DMD: variants seen among roughly 807,000 people sequenced by gnomAD.
DMD encodes mutant dystrophin.
DMD carries 63 observed loss-of-function variants against 330.1 expected under a neutral mutation model. The ratio of observed to expected loss-of-function variants is 0.19; its 90% CI spans 0.16 to 0.24. The LOEUF (loss-of-function observed/expected upper bound fraction) is 0.24. Ranked by LOEUF, DMD falls within the 10% of genes least tolerant of loss-of-function variation. The pLI is 1.00. For missense variants in DMD, 3,344 were observed against 2,684.1 expected (o/e 1.25, Z -5.43); for synonymous variants, 1,223 against 959.8 (o/e 1.27, Z -5.07).
intron 52 of DMD, among the ~76,000 whole-genome samples, chrX:31,723,724 C>T (rs2085776716): frequency 9.2e-6 from 1 of 108,423 alleles, no homozygotes; most frequent in Admixed American, 9.9e-5. Flanking sequence ...ATTATGTATT[C>T]TCCTGTCATC....
Position 32,310,225 on chromosome X carries a change from C to T in DMD, c.5974G>A (p.Glu1992Lys). 1.7e-6 allele frequency: 2 copies of T among 1,209,315 alleles called. No homozygotes were observed. The highest frequency in any genetic ancestry group is 1.8e-5 in the South Asian group (1 of 56,929). ...MMVMTEDMPL[E>K]ISYVPSTYLT... Reference sequence around the variant, plus strand: ...TAAGTAGAAGGCACATAAGAAATTTCCAAAGGCATGTCTTCAGTCATCACC... The same window carrying T: ...TAAGTAGAAGGCACATAAGAAATTTTCAAAGGCATGTCTTCAGTCATCACC... The change falls in exon 42 of 79, where the codon GAA becomes AAA. Residue 1992 changes from glutamate to lysine, a missense_variant. Physicochemically the swap from Glu to Lys is moderately conservative, Grantham distance 56 (BLOSUM62 1). Coordinates refer to ENST00000357033, the MANE Select transcript of DMD (RefSeq NM_004006.3).
At chrX:32,797,809 T>G (rs776208169) in intron 7 of DMD, among the ~76,000 whole-genome samples, 1 of 105,502 alleles carries the variant, frequency 9.5e-6, no homozygotes, top group South Asian at 4.0e-4. Context: ...CACCTGTAAT[T>G]AAAAAAAAAA....
rs1336940962 is a variant in DMD, at chrX:33,140,446, G to A, written c.31+70836C>T. Reference sequence around the variant, plus strand: ...CTATTTTAAATGGAATATTTTCAACGCTAACTTAAGCATATCTCAGTATTT... The same window carrying A: ...CTATTTTAAATGGAATATTTTCAACACTAACTTAAGCATATCTCAGTATTT... On this transcript the variant is annotated intron_variant, in intron 1 of 78. Coordinates refer to ENST00000357033, the MANE Select transcript of DMD (RefSeq NM_004006.3). Among the ~76,000 whole-genome samples, 4 of 111,817 alleles carry A rather than the reference G, an allele frequency of 3.6e-5. No homozygotes were observed. The East Asian group carries it at 8.5e-4, about 24-fold the overall frequency.
At chrX:32,219,719 G>T (rs2147886224) in intron 43 of DMD, among the ~76,000 whole-genome samples, 1 of 110,900 alleles carries the variant, frequency 9.0e-6, no homozygotes, top group African/African-American at 3.3e-5. Context: ...CCAATCACTT[G>T]AACTATACTT....
chrX:31,773,760 A>G (rs1255685136), intron 51 of DMD, among the ~76,000 whole-genome samples, 200 bp downstream of exon 51: 1 of 13,449 alleles, frequency 7.4e-5, no homozygotes, highest in Non-Finnish European at 1.6e-4. Flanking sequence ...TTTCCTTTTT[A>G]ATGTATGGCT....
intron 1 of DMD, among the ~76,000 whole-genome samples, chrX:33,187,918 T>C (rs1201510827): frequency 9.0e-6 from 1 of 111,656 alleles, no homozygotes; most frequent in Non-Finnish European, 1.9e-5. Context: ...TTACTCTTTA[T>C]GATGCTGTGG....
At chrX:32,538,805 A>C (rs1297776027) in intron 17 of DMD, among the ~76,000 whole-genome samples, 4 of 111,320 alleles carry the variant, frequency 3.6e-5, no homozygotes, top group African/African-American at 6.5e-5. Context: ...GAAGCATGAG[A>C]ACCACTGTTG....
intron 44 of DMD, among the ~76,000 whole-genome samples, chrX:32,153,895 A>G (rs1159440709): frequency 8.9e-6 from 1 of 112,351 alleles, no homozygotes; most frequent in Non-Finnish European, 1.9e-5. Context: ...ATGAAAATGC[A>G]TTGAAAAATA....
chrX:32,205,005 T>TCTCTCTCTCTCTCTCACACA (rs60181300), intron 44 of DMD, among the ~76,000 whole-genome samples: 5 of 29,232 alleles, frequency 1.7e-4, no homozygotes, highest in Non-Finnish European at 2.9e-4. Flanking sequence ...TCTCTCTCTC[T>TCTCTCTCTCTCTCTCACACA]CACATACACA....
chrX:33,137,306 A>AC (rs1162851962), intron 1 of DMD, among the ~76,000 whole-genome samples: 1 of 111,825 alleles, frequency 8.9e-6, no homozygotes, highest in East Asian at 2.8e-4. Context: ...TACTGAGAAC[A>AC]CATCATCAGA....
chrX:32,521,210 A>T (rs1424525369), intron 17 of DMD, among the ~76,000 whole-genome samples: 1 of 112,010 alleles, frequency 8.9e-6, no homozygotes, highest in Non-Finnish European at 1.9e-5. Flanking sequence ...TCACTCTGTC[A>T]CCAGGCTGGA....
intron 55 of DMD, among the ~76,000 whole-genome samples, chrX:31,512,357 T>A (rs2071706294): frequency 9.3e-6 from 1 of 106,990 alleles, no homozygotes. Context: ...CATTTGTCAA[T>A]TCTGGCTTTT....
In DMD at chrX:32,390,215, T is replaced by C. The variant is rs369652861; in HGVS notation, c.4234-34A>G. The C allele has an allele frequency of 2.9e-6, 3 of 1,039,076 alleles. No individual in the cohort carries two copies. In the African/African-American group the frequency reaches 5.6e-5, roughly 19 times the overall value. 85.6% of individuals were successfully genotyped at this position (1,039,076 alleles called of 1,213,427 possible). A position where few individuals can be genotyped will look rare whatever the true frequency, so the allele number is the denominator to read the frequency against. On this transcript the variant is annotated intron_variant, in intron 30 of 78. Transcript: ENST00000357033. ...AGGATAGCATTATTAGTCAGCATGC[T>C]CTACAAAGAACAACTAACTTTCCAA...
At chrX:32,545,493 T>A (rs1280291679) in intron 16 of DMD, among the ~76,000 whole-genome samples, 159 bp from the exon 17 acceptor site, 1 of 112,088 alleles carries the variant, frequency 8.9e-6, no homozygotes, top group African/African-American at 3.2e-5. Flanking sequence ...TAAAATTGTT[T>A]TATCTGACTT....
intron 74 of DMD, 139 bp from the exon 75 acceptor site, chrX:31,147,657 C>T: frequency 2.1e-6 from 1 of 468,026 alleles, no homozygotes. Context: ...GAACAGCAAG[C>T]AAAAGAGGCA....
chrX:31,476,875 A>C (rs1172249453), intron 59 of DMD, among the ~76,000 whole-genome samples: 1 of 111,788 alleles, frequency 8.9e-6, no homozygotes, highest in East Asian at 2.8e-4. Flanking sequence ...GAGAAAACAC[A>C]AAAGAGCTAT....
chrX:32,262,528 A>C (rs1052993854), intron 43 of DMD, among the ~76,000 whole-genome samples: 3 of 111,628 alleles, frequency 2.7e-5, no homozygotes, highest in Non-Finnish European at 5.6e-5. Flanking sequence ...AATTGTTTCC[A>C]AAAAGGACTA....
At chrX:31,553,500 A>G (rs926599478) in intron 55 of DMD, among the ~76,000 whole-genome samples, 1 of 112,359 alleles carries the variant, frequency 8.9e-6, no homozygotes, top group Admixed American at 9.4e-5. Context: ...TAACAGCTGT[A>G]AGGGATTATT....
intron 41 of DMD, among the ~76,000 whole-genome samples, chrX:32,312,791 C>A (rs1013033756): frequency 9.4e-6 from 1 of 105,976 alleles, no homozygotes; most frequent in Non-Finnish European, 2.0e-5. Flanking sequence ...AGAATACTAT[C>A]AACACCTCTA....
Sources: gnomAD v4.1 joint callset for allele counts (sites outside exome capture counted in the v4.1 genomes callset) on GRCh38, gnomAD v4.1.1 for gene constraint, MANE v1.5 for transcripts, NCBI Gene and HGNC (gene_info 2026-07-23, HGNC 2026-07-21) for gene names.